The following CERK variants were observed in gnomAD, a reference collection of about 807,000 sequenced individuals.
CERK encodes the protein acylsphingosine kinase.
A neutral mutation model predicts 63.4 loss-of-function variants in CERK; 39 were observed. The ratio of observed to expected loss-of-function variants is 0.61; its 90% confidence interval spans 0.48 to 0.80. The LOEUF is 0.80. CERK is among the 30% of genes least tolerant of loss of function. The pLI is 0.00. For missense variants in CERK, 670 were observed against 714.1 expected (o/e 0.94, Z 0.70); for synonymous variants, 302 against 280.0 (o/e 1.08, Z -0.78).
intron 2 of CERK, 101 bp downstream of exon 2, chr22:46,720,801 C>A: frequency 1.4e-6 from 1 of 706,850 alleles, no homozygotes; most frequent in Non-Finnish European, 2.5e-6. Context: ...AAAGATAAAC[C>A]AATGCATTGA....
rs140475561 is a variant in CERK, at chr22:46,714,679, A to C, written c.380-2386T>G. On this transcript the variant is annotated intron_variant, in intron 3 of 12. Coordinates refer to ENST00000216264, the MANE Select transcript of CERK (RefSeq NM_022766.6). This position sits in a 1 kb window ranked among gnomAD's most constrained non-coding sequence, Gnocchi z 4.4. ...ATGATTTCACAACTGAATTCTTCCA[A>C]ACATTTAAGGAAAAAATAGCCTCAA... Among the ~76,000 whole-genome samples, 497 of 152,322 alleles carry C rather than the reference A, an allele frequency of 3.3e-3. 2 individuals are homozygous for C. Among genetic ancestry groups the C allele is most frequent in the African/African-American group, 0.011 (470 of 41,570 alleles).
chr22:46,738,141 G>T lies in CERK; in HGVS notation c.8C>A (p.Ala3Glu), dbSNP rs2082985496. 1.7e-6 allele frequency: 2 copies of T among 1,207,108 alleles called. No individual in the cohort carries two copies. Among genetic ancestry groups the T allele is most frequent in the Non-Finnish European group, 2.1e-6 (2 of 969,786 alleles). 74.8% of individuals were successfully genotyped at this position (1,207,108 alleles called of 1,614,324 possible). Reference sequence around the variant, plus strand: ...TTGCAGCGGCTCCGCCGCCCCCGTCGCCCCCATCTCCGCCGCCGGGCTCGT... The same window carrying T: ...TTGCAGCGGCTCCGCCGCCCCCGTCTCCCCCATCTCCGCCGCCGGGCTCGT... MG[A>E]TGAAEPLQSV... Residue 3 changes from alanine to glutamate, a missense_variant, in exon 1 of 13, where the codon GCG (alanine) becomes GAG (glutamate). Coordinates refer to ENST00000216264, the MANE Select transcript of CERK (RefSeq NM_022766.6).
At chr22:46,710,282 A>G (rs2082834060) in intron 5 of CERK, among the ~76,000 whole-genome samples, 1 of 152,050 alleles carries the variant, frequency 6.6e-6, no homozygotes, top group African/African-American at 2.4e-5. Flanking sequence ...AAAAACACAA[A>G]AATTAGCTGG....
intron 8 of CERK, among the ~76,000 whole-genome samples, chr22:46,697,568 C>T (rs1043615000): frequency 1.3e-5 from 2 of 151,886 alleles, no homozygotes; most frequent in Non-Finnish European, 1.5e-5. Flanking sequence ...TGCAGTGGCA[C>T]GATCTCAGCT....
intron 1 of CERK, among the ~76,000 whole-genome samples, chr22:46,721,414 T>A (rs1461603819): frequency 6.6e-6 from 1 of 151,588 alleles, no homozygotes; most frequent in East Asian, 1.9e-4. Flanking sequence ...TGCCTCAGCC[T>A]CCCGAACAGC....
intron 7 of CERK, among the ~76,000 whole-genome samples, chr22:46,700,809 C>T (rs372840117): frequency 2.6e-5 from 4 of 152,068 alleles, no homozygotes; most frequent in South Asian, 4.1e-4. Flanking sequence ...GTCAGGAGTT[C>T]GAGACCAGCC....
intron 1 of CERK, among the ~76,000 whole-genome samples, chr22:46,734,549 G>A (rs2146599402): frequency 6.6e-6 from 1 of 152,348 alleles, no homozygotes; most frequent in East Asian, 1.9e-4. Context: ...AAGGTGCTGG[G>A]CTGCTGCGAT....
intron 6 of CERK, among the ~76,000 whole-genome samples, chr22:46,707,523 G>A (rs1601717718): frequency 6.6e-6 from 1 of 151,974 alleles, no homozygotes; most frequent in South Asian, 2.1e-4. Context: ...CTTCCAGAAC[G>A]CACCCCCTGC....
intron 1 of CERK, among the ~76,000 whole-genome samples, chr22:46,727,875 C>T (rs2082927394): frequency 6.6e-6 from 1 of 151,560 alleles, no homozygotes; most frequent in Non-Finnish European, 1.5e-5. Flanking sequence ...AGCATGGATG[C>T]TCCCTTAGCA....
chr22:46,735,346 A>C (rs2082967507), intron 1 of CERK: 1 of 152,188 alleles, frequency 6.6e-6, no homozygotes, highest in Non-Finnish European at 1.5e-5. Flanking sequence ...CCAAATTGCT[A>C]GTCCTTGTCT....
At chr22:46,689,331 G>A (rs2082718586) in intron 12 of CERK, among the ~76,000 whole-genome samples, 1 of 152,256 alleles carries the variant, frequency 6.6e-6, no homozygotes, top group Non-Finnish European at 1.5e-5. Flanking sequence ...GGTGGATTCA[G>A]TGGACAAAGG....
At chr22:46,700,914 C>T (rs952444699) in intron 7 of CERK, among the ~76,000 whole-genome samples, 8 of 147,232 alleles carry the variant, frequency 5.4e-5, no homozygotes, top group South Asian at 2.2e-4. Context: ...TAGAGGCTGA[C>T]GCAGGAGAAT....
In CERK at chr22:46,688,531, C is replaced by T. The variant is rs142327211; in HGVS notation, c.1542-1325G>A. Among the ~76,000 whole-genome samples the T allele has an allele frequency of 2.9e-3, 442 of 152,324 alleles. 4 individuals are homozygous for T. The highest frequency in any genetic ancestry group is 5.0e-3 in the Admixed American group (77 of 15,306). On this transcript the variant is annotated intron_variant, in intron 12 of 12. Coordinates refer to ENST00000216264, the MANE Select transcript of CERK (RefSeq NM_022766.6). ...ACCGCCCTGACAGAAAGAAAGGGGG[C>T]GCGTGGCCCTGGGCCTGGGGAGGGG... is the stretch of plus-strand genomic sequence containing the variant.
rs768541948 is a variant in CERK at position 46,738,126 on chromosome 22, T to TCCGCCGCCC, written c.14_22dup (p.Gly5_Ala7dup). On this transcript the variant is annotated inframe_insertion, in exon 1 of 13. Transcript: ENST00000216264. ...CACCCACAGCACGGATTGCAGCGGC[T>TCCGCCGCCC]CCGCCGCCCCCGTCGCCCCCATCTC... 4,291 of 1,234,770 alleles carry TCCGCCGCCC rather than the reference T, an allele frequency of 3.5e-3. 12 individuals are homozygous for TCCGCCGCCC. Among genetic ancestry groups the TCCGCCGCCC allele is most frequent in the Non-Finnish European group, 4.1e-3 (4,035 of 983,506 alleles). 76.5% of individuals were successfully genotyped at this position (1,234,770 alleles called of 1,614,324 possible).
chr22:46,725,530 C>T (rs1462193542), intron 1 of CERK, among the ~76,000 whole-genome samples: 8 of 152,234 alleles, frequency 5.3e-5, no homozygotes, highest in Admixed American at 5.2e-4. Context: ...CGGGAGAAAA[C>T]ACACCTGACC....
intron 11 of CERK, among the ~76,000 whole-genome samples, chr22:46,690,696 C>G (rs2082725940): frequency 6.6e-6 from 1 of 152,100 alleles, no homozygotes; most frequent in Non-Finnish European, 1.5e-5. Context: ...ACCAAAAGTT[C>G]CGCTTCCCCC....
chr22:46,728,260 C>T (rs532056566), intron 1 of CERK, among the ~76,000 whole-genome samples: 9 of 152,166 alleles, frequency 5.9e-5, no homozygotes, highest in East Asian at 1.9e-4. Context: ...CTCCAGGGAC[C>T]GTACGGTGCC....
chr22:46,724,818 G>T (rs565085681), intron 1 of CERK, among the ~76,000 whole-genome samples: 1 of 152,082 alleles, frequency 6.6e-6, no homozygotes, highest in African/African-American at 2.4e-5. Context: ...AGGAGATCGA[G>T]ACCACCCTGG....
intron 3 of CERK, among the ~76,000 whole-genome samples, chr22:46,719,541 G>A (rs1248675203): frequency 5.3e-5 from 8 of 151,976 alleles, no homozygotes; most frequent in East Asian, 1.9e-4. Context: ...GCGTGGTGGC[G>A]CATGCCTGTA....
Sources: allele counts gnomAD v4.1 joint callset (sites outside exome capture counted in the v4.1 genomes callset), GRCh38; gene constraint gnomAD v4.1.1; non-coding constraint Gnocchi (gnomAD v3.1); transcripts MANE v1.5; gene names NCBI Gene and HGNC (gene_info 2026-07-23, HGNC 2026-07-21).